Variants in ARHGDIG observed in about 807,000 individuals in gnomAD.
ARHGDIG encodes the protein rho GDP-dissociation inhibitor 3.
Under a neutral mutation model 20.2 loss-of-function variants are expected in ARHGDIG, and 14 were observed. The observed-to-expected ratio is 0.69, with a 90% CI of 0.46 to 1.08. The LOEUF is 1.08. ARHGDIG is among the 50% of genes least tolerant of loss of function. ARHGDIG has a pLI of 0.00. For missense variants in ARHGDIG, 311 were observed against 301.8 expected (o/e 1.03, Z -0.23); for synonymous variants, 193 against 138.6 (o/e 1.39, Z -2.76).
intron 2 of ARHGDIG, 37 bp from the exon 3 acceptor site, chr16:281,988 G>A: frequency 6.2e-7 from 1 of 1,604,294 alleles, no homozygotes. Context: ...CCTGGTGGGG[G>A]TGGGGGGCAT....
intron 3 of ARHGDIG, 46 bp from the exon 4 acceptor site, chr16:282,251 T>G (rs900698884): frequency 6.2e-7 from 1 of 1,611,714 alleles, no homozygotes; most frequent in Admixed American, 1.7e-5. Context: ...GGAGCAGGTC[T>G]CAGCCTGTAG....
Position 281,962 on chromosome 16 carries a change from G to A in ARHGDIG, c.253+37G>A. The A allele has an allele frequency of 1.9e-6, 3 of 1,600,314 alleles. No individual in the cohort carries two copies. In the East Asian group the frequency reaches 6.7e-5, roughly 36 times the overall value. On this transcript the variant is annotated intron_variant, in intron 2 of 5. Transcript: ENST00000219409. ...GTCTAGGCTTGGAGGGCTGGGTCTG[G>A]GGGGCTGGTGAGGAGCCTGGTGGGG...
rs749164257 is a variant in ARHGDIG, at chr16:282,599, C to T, written c.479-16C>T. 1.9e-6 allele frequency: 3 copies of T among 1,580,184 alleles called. No homozygotes were observed. The highest frequency in any genetic ancestry group is 2.6e-6 in the Non-Finnish European group (3 of 1,163,684). On this transcript the variant is annotated splice_polypyrimidine_tract_variant and intron_variant, in intron 5 of 5. Coordinates refer to ENST00000219409, the MANE Select transcript of ARHGDIG (RefSeq NM_001176.4). ...GGGCAGACAGAGGACAGCTCTGATG[C>T]CCTCGCCCTCCCTAGTGGACAAGAC...
chr16:281,043 T>A (rs1307198167), intron 1 of ARHGDIG: 2 of 176,162 alleles, frequency 1.1e-5, no homozygotes, highest in Non-Finnish European at 2.4e-5. Flanking sequence ...GCTCAGGCTC[T>A]GTAGGGCGTG....
In ARHGDIG at chr16:280,865, C is replaced by T. The variant is rs775866636; in HGVS notation, c.73+112C>T. ...GCGCATGGGGACCTCGCGGCGCCGA[C>T]CCCCCGGCTGGGGTCTGGCAGGGGT... On this transcript the variant is annotated intron_variant, in intron 1 of 5. Coordinates refer to ENST00000219409, the MANE Select transcript of ARHGDIG (RefSeq NM_001176.4). The surrounding 1 kb of genome is among the most constrained non-coding windows in gnomAD (Gnocchi z 6.6). 2.5e-5 allele frequency: 15 copies of T among 591,256 alleles called. No homozygotes were observed. The highest frequency in any genetic ancestry group is 3.4e-5 in the Non-Finnish European group (15 of 442,574). 36.6% of individuals were successfully genotyped at this position (591,256 alleles called of 1,614,324 possible). A position where few individuals can be genotyped will look rare whatever the true frequency, so the allele number is the denominator to read the frequency against.
rs936636641 is a variant in ARHGDIG at position 282,865 on chromosome 16, C to G, written c.*51C>G. The G allele has an allele frequency of 6.7e-7, 1 of 1,500,202 alleles. No homozygotes were observed. Among genetic ancestry groups the G allele is most frequent in the Non-Finnish European group, 8.9e-7 (1 of 1,123,460 alleles). The allele number at this position is 1,500,202 out of a possible 1,614,324, so 92.9% of individuals were successfully genotyped here. ...TCCCTCAGTTGTTGCACAGGGACCC[C>G]CAAGCATCCCCAGCACCCCCCGTGA... On this transcript the variant is annotated 3_prime_UTR_variant, in exon 6 of 6. Transcript: ENST00000219409.
chr16:282,880 AC>A lies in ARHGDIG; in HGVS notation c.*72del. The A allele has an allele frequency of 6.8e-7, 1 of 1,465,858 alleles. No homozygotes were observed. The highest frequency in any genetic ancestry group is 9.1e-7 in the Non-Finnish European group (1 of 1,099,984). 90.8% of individuals were successfully genotyped at this position (1,465,858 alleles called of 1,614,324 possible). A position where few individuals can be genotyped will look rare whatever the true frequency, so the allele number is the denominator to read the frequency against. ...ACAGGGACCCCCAAGCATCCCCAGC[AC>A]CCCCCGTGAGTGACCAGACCCTCCC... is the stretch of plus-strand genomic sequence containing the variant. On this transcript the variant is annotated 3_prime_UTR_variant, in exon 6 of 6. Transcript: ENST00000219409.
At position 280,668 on chromosome 16, in the gene ARHGDIG, G is replaced by A. The variant is rs1313688217; in HGVS notation, c.-13G>A. The A allele has an allele frequency of 9.5e-7, 1 of 1,050,526 alleles. No individual in the cohort carries two copies. Among genetic ancestry groups the A allele is most frequent in the Non-Finnish European group, 1.1e-6 (1 of 872,368 alleles). The allele number at this position is 1,050,526 out of a possible 1,614,324, so 65.1% of individuals were successfully genotyped here. On this transcript the variant is annotated 5_prime_UTR_variant, in exon 1 of 6. Transcript: ENST00000219409. This position sits in a 1 kb window ranked among gnomAD's most constrained non-coding sequence, Gnocchi z 6.6. ...TCCTCGGCGGCTCCGCGGCGCCCGG[G>A]CCGCGCGCCGCCATGCTGGGCCTGG...
At position 282,937 on chromosome 16, in the gene ARHGDIG, C is replaced by T. The variant is rs566257003; in HGVS notation, c.*123C>T. On this transcript the variant is annotated 3_prime_UTR_variant, in exon 6 of 6. Coordinates refer to ENST00000219409, the MANE Select transcript of ARHGDIG (RefSeq NM_001176.4). ...GCCCCTGCTGCCCCTGCTGCCCCTG[C>T]TCTGTCCCGGGACCCCCTGGCCTGG... The T allele has an allele frequency of 9.2e-7, 1 of 1,092,650 alleles. No individual in the cohort carries two copies. Among genetic ancestry groups the T allele is most frequent in the Non-Finnish European group, 1.2e-6 (1 of 819,110 alleles). The allele number at this position is 1,092,650 out of a possible 1,614,324, so 67.7% of individuals were successfully genotyped here.
In ARHGDIG at chr16:282,311, C is replaced by G. The variant is rs777858497; in HGVS notation, c.352C>G (p.Leu118Val). 6.2e-7 allele frequency: 1 copy of G among 1,613,236 alleles called. No individual in the cohort carries two copies. Among genetic ancestry groups the G allele is most frequent in the East Asian group, 2.2e-5 (1 of 44,850 alleles). ...VMDLTGDLAV[L>V]KDQVFVLKEG... ...TTCCCCAATAGGGGACCTGGCTGTT[C>G]TGAAGGACCAGGTGTTTGTCCTGAA... Residue 118 changes from leucine (L) to valine (V), a missense_variant, in exon 4 of 6, where the codon CTG (leucine) becomes GTG (valine). By Grantham distance (32) the Leu-to-Val change is conservative. Coordinates refer to ENST00000219409, the MANE Select transcript of ARHGDIG (RefSeq NM_001176.4).
At chr16:282,414 G>A in intron 4 of ARHGDIG, 41 bp downstream of exon 4, 1 of 1,611,622 alleles carries the variant, frequency 6.2e-7, no homozygotes, top group Admixed American at 1.7e-5. Context: ...GGGGGTGGGG[G>A]CAACAGCCAG....
At position 281,984 on chromosome 16, in the gene ARHGDIG, G is replaced by T. The variant is rs746042485; in HGVS notation, c.254-41G>T. On this transcript the variant is annotated intron_variant, in intron 2 of 5. Transcript: ENST00000219409. ...CTGGGGGGCTGGTGAGGAGCCTGGT[G>T]GGGGTGGGGGGCATCCTGCAGACTT... 4 of 1,603,804 alleles carry T rather than the reference G, an allele frequency of 2.5e-6. No individual in the cohort carries two copies. In the African/African-American group the frequency reaches 4.0e-5, roughly 16 times the overall value.
chr16:280,830 CTT>C lies in ARHGDIG; in HGVS notation c.73+79_73+80del. 9.8e-7 allele frequency: 1 copy of C among 1,022,256 alleles called. No individual in the cohort carries two copies. The highest frequency in any genetic ancestry group is 3.8e-4 in the Middle Eastern group (1 of 2,608). 63.3% of individuals were successfully genotyped at this position (1,022,256 alleles called of 1,614,324 possible). A position where few individuals can be genotyped will look rare whatever the true frequency, so the allele number is the denominator to read the frequency against. ...GGGAGTAGCCCCTCCCCCGCGGCAA[CTT>C]TGGGGGCGCGCATGGGGACCTCGCG... On this transcript the variant is annotated intron_variant, in intron 1 of 5. Coordinates refer to ENST00000219409, the MANE Select transcript of ARHGDIG (RefSeq NM_001176.4). The surrounding 1 kb of genome is among the most constrained non-coding windows in gnomAD (Gnocchi z 6.6).
chr16:281,031 G>GGGCTCA (rs1291462006), intron 1 of ARHGDIG: 1 of 184,804 alleles, frequency 5.4e-6, no homozygotes, highest in African/African-American at 2.4e-5. Flanking sequence ...GCTGGGGCTG[G>GGGCTCA]GGCTCAGGCT....
intron 3 of ARHGDIG, 39 bp downstream of exon 3, chr16:282,147 C>A (rs1160883678): frequency 6.2e-7 from 1 of 1,611,038 alleles, no homozygotes. Flanking sequence ...ACAGGTAGGG[C>A]CCTCCCAGGC....
In ARHGDIG at chr16:282,996, CCTGT is replaced by C. The variant is rs1407292412; in HGVS notation, c.*185_*188del. On this transcript the variant is annotated 3_prime_UTR_variant, in exon 6 of 6. Coordinates refer to ENST00000219409, the MANE Select transcript of ARHGDIG (RefSeq NM_001176.4). Reference sequence around the variant, plus strand: ...CCTGAGCTGTCCCATTAAACATGGCCCTGTCTCTCTCGGTGCCCTGGGTGTCGTC... The same window carrying C: ...CCTGAGCTGTCCCATTAAACATGGCCCTCTCTCGGTGCCCTGGGTGTCGTC... 8 of 890,272 alleles carry C rather than the reference CCTGT, an allele frequency of 9.0e-6. No homozygotes were observed. Among genetic ancestry groups the C allele is most frequent in the Non-Finnish European group, 1.3e-5 (8 of 624,612 alleles). 55.1% of individuals were successfully genotyped at this position (890,272 alleles called of 1,614,324 possible). A position where few individuals can be genotyped will look rare whatever the true frequency, so the allele number is the denominator to read the frequency against.
rs201323302 is a variant in ARHGDIG at position 281,966 on chromosome 16, G to A, written c.253+41G>A. The A allele has an allele frequency of 5.6e-6, 9 of 1,598,366 alleles. No homozygotes were observed. In the Admixed American group the frequency reaches 1.0e-4, roughly 18 times the overall value. ...AGGCTTGGAGGGCTGGGTCTGGGGG[G>A]CTGGTGAGGAGCCTGGTGGGGGTGG... On this transcript the variant is annotated intron_variant, in intron 2 of 5. Coordinates refer to ENST00000219409, the MANE Select transcript of ARHGDIG (RefSeq NM_001176.4).
intron 4 of ARHGDIG, 30 bp from the exon 5 acceptor site, chr16:282,437 C>T (rs1432789183): frequency 3.1e-6 from 5 of 1,612,070 alleles, no homozygotes; most frequent in South Asian, 1.1e-5. Context: ...GCCTGGCCCC[C>T]AGAGGAACCC....
In ARHGDIG at chr16:282,386, G is replaced by A. The variant is rs903906809; in HGVS notation, c.414+13G>A. The A allele has an allele frequency of 2.5e-6, 4 of 1,610,716 alleles. No individual in the cohort carries two copies. The African/African-American group carries it at 5.4e-5, about 22-fold the overall frequency. ...GATCTCCTTCAAGGTGAGAGCCGGGGCAATGGGCGGAGGGGATGGGGGTGG... is the reference window on the plus strand; with the variant it reads ...GATCTCCTTCAAGGTGAGAGCCGGGACAATGGGCGGAGGGGATGGGGGTGG... On this transcript the variant is annotated intron_variant, in intron 4 of 5. Transcript: ENST00000219409.
Sources: gnomAD v4.1 joint callset for allele counts on GRCh38, gnomAD v4.1.1 for gene constraint, Gnocchi (gnomAD v3.1) non-coding constraint, MANE v1.5 for transcripts, NCBI Gene and HGNC (gene_info 2026-07-23, HGNC 2026-07-21) for gene names.